The following FGD4 variants were observed in gnomAD, a reference collection of about 807,000 sequenced individuals.
FGD4 encodes the protein FYVE, RhoGEF and PH domain containing 4, also known as FYVE, RhoGEF and PH domain-containing protein 4.
In FGD4, 42 loss-of-function variants were observed where a neutral mutation model predicts 102.0. That is an observed-to-expected ratio of 0.41 (90% CI 0.32 to 0.53). The LOEUF (loss-of-function observed/expected upper bound fraction) is 0.53, where lower values mean the gene tolerates loss of function less well. FGD4 is among the 20% of genes least tolerant of loss of function. FGD4 has a pLI of 0.21. For missense variants in FGD4, 902 were observed against 1,078.2 expected, an observed-to-expected ratio of 0.84 and a Z score of 2.29; for synonymous variants, 380 against 375.7, an observed-to-expected ratio of 1.01 and a Z score of -0.13.
chr12:32,519,731 A>G (rs1940302860), intron 1 of FGD4, among the ~76,000 whole-genome samples: 1 of 152,222 alleles, frequency 6.6e-6, no homozygotes, highest in Non-Finnish European at 1.5e-5. Flanking sequence ...TGAGGTCAGG[A>G]GTTCGAGACC....
chr12:32,509,122 A>AT (rs1939094182), intron 1 of FGD4, among the ~76,000 whole-genome samples: 1 of 152,246 alleles, frequency 6.6e-6, no homozygotes, highest in Non-Finnish European at 1.5e-5. Flanking sequence ...CATTGAAAAA[A>AT]TACAAATGTT....
intron 1 of FGD4, among the ~76,000 whole-genome samples, chr12:32,563,439 G>A (rs1241828843): frequency 6.6e-6 from 1 of 151,918 alleles, no homozygotes; most frequent in East Asian, 1.9e-4. Context: ...TTCCTAGATG[G>A]GATGGCGGCC....
rs139457360 is a variant in FGD4, at chr12:32,530,852, A to G, written c.167-33285A>G. On this transcript the variant is annotated intron_variant, in intron 1 of 16. Transcript: ENST00000534526. ...AGAAAATGGATTAGTGATTATCTCT[A>G]CTGTTGACAATGAGGAGCATAGTGG... is the stretch of plus-strand genomic sequence containing the variant. Among the ~76,000 whole-genome samples the G allele has an allele frequency of 1.0e-2, 1,505 of 150,526 alleles. 21 individuals are homozygous for G. Among genetic ancestry groups the G allele is most frequent in the African/African-American group, 0.035 (1,429 of 40,716 alleles).
chr12:32,541,233 AAC>A (rs1942801667), intron 1 of FGD4, among the ~76,000 whole-genome samples: 2 of 152,226 alleles, frequency 1.3e-5, no homozygotes, highest in Admixed American at 6.5e-5. Flanking sequence ...TTAGAAGCCT[AAC>A]ACACAATGCT....
chr12:32,545,372 C>T (rs907214172), intron 1 of FGD4, among the ~76,000 whole-genome samples: 1 of 152,250 alleles, frequency 6.6e-6, no homozygotes, highest in South Asian at 2.1e-4. Context: ...GGGGACACAA[C>T]CAAAACTGGA....
At chr12:32,507,537 A>G (rs544185015) in intron 1 of FGD4, among the ~76,000 whole-genome samples, 2 of 152,326 alleles carry the variant, frequency 1.3e-5, no homozygotes, top group African/African-American at 4.8e-5. Flanking sequence ...ATGTTAAGTG[A>G]GTGCTACAAA....
intron 1 of FGD4, among the ~76,000 whole-genome samples, chr12:32,517,956 AT>A (rs1386717526): frequency 6.7e-6 from 1 of 149,178 alleles, no homozygotes; most frequent in Non-Finnish European, 1.5e-5. Flanking sequence ...AACCCCCAAT[AT>A]CGTTAGTATT....
intron 7 of FGD4, 49 bp downstream of exon 7, chr12:32,602,366 A>C: frequency 6.2e-7 from 1 of 1,606,050 alleles, no homozygotes; most frequent in Non-Finnish European, 8.5e-7. Context: ...TTCCATACAA[A>C]TTATACAGTC....
At chr12:32,610,519 T>C (rs186358044) in intron 8 of FGD4, among the ~76,000 whole-genome samples, 14 of 152,324 alleles carry the variant, frequency 9.2e-5, no homozygotes, top group Admixed American at 2.6e-4. Context: ...TGCTTATTAA[T>C]TTTGATGGTT....
intron 1 of FGD4, among the ~76,000 whole-genome samples, chr12:32,542,826 C>T (rs184232624): frequency 1.3e-5 from 2 of 152,272 alleles, no homozygotes; most frequent in African/African-American, 2.4e-5. Flanking sequence ...TTTGATTTCT[C>T]AAGGCTCCTA....
At chr12:32,562,943 G>A (rs1193118802) in intron 1 of FGD4, among the ~76,000 whole-genome samples, 8 of 152,176 alleles carry the variant, frequency 5.3e-5, no homozygotes, top group Non-Finnish European at 7.4e-5. Flanking sequence ...CCTCCCAGAC[G>A]GGGTGGTGGC....
chr12:32,599,115 G>C, intron 5 of FGD4, among the ~76,000 whole-genome samples: 1 of 152,140 alleles, frequency 6.6e-6, no homozygotes, highest in East Asian at 1.9e-4. Context: ...ATGTGTGAAT[G>C]TACTTTATCA....
chr12:32,476,572 G>A (rs918089743), intron 1 of FGD4, among the ~76,000 whole-genome samples: 1 of 152,202 alleles, frequency 6.6e-6, no homozygotes, highest in African/African-American at 2.4e-5. Flanking sequence ...GTGGCAGCTA[G>A]ATTCCAAAAA....
chr12:32,536,946 C>T (rs1269128252), intron 1 of FGD4, among the ~76,000 whole-genome samples: 1 of 146,980 alleles, frequency 6.8e-6, no homozygotes, highest in East Asian at 2.0e-4. Context: ...TTTTTTGAGA[C>T]AGAGTCTCGC....
At chr12:32,464,571 A>G (rs1250999353) in intron 1 of FGD4, among the ~76,000 whole-genome samples, 1 of 152,250 alleles carries the variant, frequency 6.6e-6, no homozygotes, top group Non-Finnish European at 1.5e-5. Context: ...TGAAAGGCTG[A>G]TTGAATAATA....
chr12:32,450,877 CT>C (rs1483585500), intron 1 of FGD4, among the ~76,000 whole-genome samples: 1 of 152,170 alleles, frequency 6.6e-6, no homozygotes, highest in African/African-American at 2.4e-5. Context: ...CCCTAACTTA[CT>C]TACTTAGTCA....
chr12:32,584,855 G>C (rs1946875735), intron 4 of FGD4, among the ~76,000 whole-genome samples: 1 of 152,062 alleles, frequency 6.6e-6, no homozygotes, highest in Admixed American at 6.5e-5. Flanking sequence ...TTTCATTTAA[G>C]CTGTGTTAGA....
In FGD4 at chr12:32,399,559, C is replaced by G; in HGVS notation, c.-235C>G. The G allele has an allele frequency of 9.8e-7, 1 of 1,020,800 alleles. No homozygotes were observed. The highest frequency in any genetic ancestry group is 3.0e-5 in the East Asian group (1 of 33,110). 63.2% of individuals were successfully genotyped at this position (1,020,800 alleles called of 1,614,324 possible). ...CGGCTTTGAGTGAGTGCGGGAGCTG[C>G]AGATACCGAGACGCTGCGACTGCCG... On this transcript the variant is annotated 5_prime_UTR_variant, in exon 1 of 17. Coordinates refer to ENST00000534526, the MANE Select transcript of FGD4 (RefSeq NM_001370298.3).
chr12:32,605,641 T>C (rs1287481265), intron 7 of FGD4, among the ~76,000 whole-genome samples: 2 of 152,210 alleles, frequency 1.3e-5, no homozygotes, highest in Non-Finnish European at 2.9e-5. Flanking sequence ...TTCCTATTTT[T>C]AGCTCCCAAG....
Sources: gnomAD v4.1 joint callset for allele counts (sites outside exome capture counted in the v4.1 genomes callset) on GRCh38, gnomAD v4.1.1 for gene constraint, MANE v1.5 for transcripts, NCBI Gene and HGNC (gene_info 2026-07-23, HGNC 2026-07-21) for gene names.